Variants in CCSER2 observed in about 807,000 individuals in gnomAD.
CCSER2 encodes serine-rich coiled-coil domain-containing protein 2.
A neutral mutation model predicts 92.3 loss-of-function variants in CCSER2; 46 were observed. That is an observed-to-expected ratio of 0.50 (90% CI 0.39 to 0.64). The LOEUF (loss-of-function observed/expected upper bound fraction) is 0.64, where lower values mean the gene tolerates loss of function less well. CCSER2 is among the 30% of genes least tolerant of loss of function. CCSER2 has a pLI of 0.00. For synonymous variants in CCSER2, 433 were observed against 431.4 expected (o/e 1.00, Z -0.04); for missense variants, 1,244 against 1,238.9 (o/e 1.00, Z -0.06).
intron 3 of CCSER2, among the ~76,000 whole-genome samples, chr10:84,408,724 C>G (rs932460543): frequency 1.5e-4 from 23 of 152,134 alleles, no homozygotes; most frequent in Non-Finnish European, 2.9e-4. Flanking sequence ...CTCAGCAGGC[C>G]CTGCTCTGGA....
At chr10:84,479,978 T>G (rs1847365100) in intron 9 of CCSER2, among the ~76,000 whole-genome samples, 1 of 152,200 alleles carries the variant, frequency 6.6e-6, no homozygotes, top group Admixed American at 6.5e-5. Context: ...TGCCCAGGTT[T>G]GCACTGCATG....
intron 3 of CCSER2, among the ~76,000 whole-genome samples, chr10:84,395,988 C>T (rs1358207975): frequency 1.3e-5 from 2 of 152,178 alleles, no homozygotes; most frequent in Non-Finnish European, 2.9e-5. Context: ...TATATGTATA[C>T]ACACACACTT....
chr10:84,393,054 A>G (rs529541046), intron 3 of CCSER2, among the ~76,000 whole-genome samples: 1 of 152,128 alleles, frequency 6.6e-6, no homozygotes, highest in Non-Finnish European at 1.5e-5. Context: ...CAGTTTACCA[A>G]TTTAGTGTAG....
At chr10:84,428,624 A>G (rs938797428) in intron 5 of CCSER2, among the ~76,000 whole-genome samples, 1 of 152,172 alleles carries the variant, frequency 6.6e-6, no homozygotes, top group East Asian at 1.9e-4. Context: ...CATAATTGCT[A>G]TGGCTACAAC....
intron 9 of CCSER2, 85 bp downstream of exon 9, chr10:84,477,749 G>A (rs11594873): frequency 0.21 from 154,259 of 731,958 alleles, 17,599 homozygotes; most frequent in Admixed American, 0.38. Flanking sequence ...AATCTCTAAT[G>A]ATTTTGAATC....
rs1266323591 is a variant in CCSER2 at position 84,371,457 on chromosome 10, A to G, written c.405A>G (p.Thr135=). The G allele has an allele frequency of 6.2e-7, 1 of 1,613,908 alleles. No homozygotes were observed. The stretch of plus-strand genomic sequence containing the variant: ...CATCCACTATGTTTGTGTCATCTAC[A>G]GAGGAGTTAAACCAAAAGTCTTTTT... The part of the protein sequence containing the change: ...AKPSTMFVSS[T]EELNQKSFSG... Residue 135 remains threonine (T), a synonymous_variant, in exon 2 of 10, where the codon ACA becomes ACG. Coordinates refer to ENST00000372088, the MANE Select transcript of CCSER2 (RefSeq NM_001284240.2).
chr10:84,461,677 CCT>C (rs1216915590), intron 6 of CCSER2, among the ~76,000 whole-genome samples: 8 of 150,972 alleles, frequency 5.3e-5, no homozygotes, highest in Non-Finnish European at 1.0e-4. Flanking sequence ...TTTTTTTCCC[CCT>C]GAGATTTTCT....
intron 9 of CCSER2, among the ~76,000 whole-genome samples, chr10:84,485,903 C>G (rs572749806): frequency 6.6e-6 from 1 of 152,194 alleles, no homozygotes; most frequent in Non-Finnish European, 1.5e-5. Flanking sequence ...CTCCCCCAAC[C>G]CCACAACAAG....
intron 6 of CCSER2, among the ~76,000 whole-genome samples, chr10:84,456,879 C>A (rs921923755): frequency 2.6e-5 from 4 of 151,834 alleles, no homozygotes; most frequent in Middle Eastern, 3.4e-3. Flanking sequence ...ATTTATATGT[C>A]TTTTTTGGTG....
chr10:84,389,567 T>C, intron 3 of CCSER2: 1 of 227,358 alleles, frequency 4.4e-6, no homozygotes, highest in South Asian at 5.0e-5. Flanking sequence ...TGACTTTACC[T>C]CGATACACCT....
At chr10:84,455,623 C>CT in intron 6 of CCSER2, 1 of 617,370 alleles carries the variant, frequency 1.6e-6, no homozygotes. Flanking sequence ...CAGTCTTGAC[C>CT]TTTTTTGAAC....
chr10:84,341,994 G>A (rs902001533), intron 1 of CCSER2, among the ~76,000 whole-genome samples: 21 of 152,166 alleles, frequency 1.4e-4, no homozygotes, highest in African/African-American at 5.1e-4. Context: ...CTTTTGTGGA[G>A]GTTTTATTAC....
At position 84,371,563 on chromosome 10, in the gene CCSER2, T is replaced by C; in HGVS notation, c.511T>C (p.Ser171Pro). ...TSYSSINTPK[S>P]QLNGFYGNRS... ...ATATTCTTCGATCAATACTCCAAAA[T>C]CACAGTTGAATGGATTTTATGGAAA... The change falls in exon 2 of 10, where the codon TCA becomes CCA. Residue 171 changes from serine to proline, a missense_variant. By Grantham distance (74) the Ser-to-Pro change is moderately conservative (BLOSUM62 -1). Transcript: ENST00000372088. 1 of 1,613,724 alleles carries C rather than the reference T, an allele frequency of 6.2e-7. No homozygotes were observed. The highest frequency in any genetic ancestry group is 8.5e-7 in the Non-Finnish European group (1 of 1,179,818).
chr10:84,403,645 G>A (rs1842232982), intron 3 of CCSER2, among the ~76,000 whole-genome samples: 1 of 152,072 alleles, frequency 6.6e-6, no homozygotes, highest in Non-Finnish European at 1.5e-5. Context: ...TCACCAAAGA[G>A]GAGATATGGA....
chr10:84,333,084 T>A (rs1843665855), intron 1 of CCSER2, among the ~76,000 whole-genome samples: 1 of 152,228 alleles, frequency 6.6e-6, no homozygotes, highest in Non-Finnish European at 1.5e-5. Context: ...ACTTGTTTTT[T>A]AATAAATTAT....
chr10:84,450,758 TA>T (rs1194415589), intron 6 of CCSER2, among the ~76,000 whole-genome samples: 1 of 152,214 alleles, frequency 6.6e-6, no homozygotes, highest in Non-Finnish European at 1.5e-5. Flanking sequence ...ATGCTACAGA[TA>T]TTAAAGTAGT....
chr10:84,424,987 T>C (rs1843351010), intron 4 of CCSER2: 3 of 984,730 alleles, frequency 3.0e-6, no homozygotes, highest in African/African-American at 1.7e-5. Context: ...TAACACAATG[T>C]CTCCCTTGTG....
intron 9 of CCSER2, among the ~76,000 whole-genome samples, chr10:84,491,580 CTG>C: frequency 6.6e-6 from 1 of 152,284 alleles, no homozygotes; most frequent in South Asian, 2.1e-4. Flanking sequence ...TTTGCTAAGA[CTG>C]TTGGAAAAGT....
At position 84,438,506 on chromosome 10, in the gene CCSER2, T is replaced by G; in HGVS notation, c.1869-6T>G. 2 of 1,556,114 alleles carry G rather than the reference T, an allele frequency of 1.3e-6. No individual in the cohort carries two copies. The highest frequency in any genetic ancestry group is 1.7e-6 in the Non-Finnish European group (2 of 1,145,096). ...TTTCCCTCCACCTTCTTCCCTGCCC[T>G]TCCAGAGGCTCTCCCTATAGAGAAT... is the stretch of plus-strand genomic sequence containing the variant. On this transcript the variant is annotated splice_polypyrimidine_tract_variant and splice_region_variant and intron_variant, in intron 5 of 9. Coordinates refer to ENST00000372088, the MANE Select transcript of CCSER2 (RefSeq NM_001284240.2).
Sources: gnomAD v4.1 joint callset for allele counts (sites outside exome capture counted in the v4.1 genomes callset) on GRCh38, gnomAD v4.1.1 for gene constraint, MANE v1.5 for transcripts, NCBI Gene and HGNC (gene_info 2026-07-23, HGNC 2026-07-21) for gene names.